Variants in ZSCAN5B observed in about 807,000 individuals in gnomAD.
ZSCAN5B encodes the protein zinc finger and SCAN domain containing 5B, also known as zinc finger and SCAN domain-containing protein 5B.
In ZSCAN5B, 26 loss-of-function variants were observed where a neutral mutation model predicts 25.2. The ratio of observed to expected loss-of-function variants is 1.03; its 90% CI spans 0.76 to 1.43. The LOEUF (loss-of-function observed/expected upper bound fraction) is 1.43, where lower values mean the gene tolerates loss of function less well. Among genes scored for constraint, ZSCAN5B ranks in the 40% most tolerant of loss-of-function variants. The pLI is 0.00. For missense variants in ZSCAN5B, 745 were observed against 622.1 expected (o/e 1.20, Z -2.10); for synonymous variants, 244 against 240.9 (o/e 1.01, Z -0.12).
exon 5 of ZSCAN5B, chr19:56,190,017 T>G: frequency 6.2e-7 from 1 of 1,613,984 alleles, no homozygotes; most frequent in Non-Finnish European, 8.5e-7. Context: ...CTCCCCGGTG[T>G]GGATCCTCTT....
intron 1 of ZSCAN5B, among the ~76,000 whole-genome samples, chr19:56,196,663 T>G (rs2032814360): frequency 6.6e-6 from 1 of 152,184 alleles, no homozygotes; most frequent in Non-Finnish European, 1.5e-5. Flanking sequence ...GTCACCCCAG[T>G]GCTCTGGGAG....
exon 5 of ZSCAN5B, chr19:56,190,568 C>G: frequency 6.2e-7 from 1 of 1,611,146 alleles, no homozygotes; most frequent in East Asian, 2.2e-5. Context: ...CCTTTGCTCT[C>G]ACCAGATCTG....
intron 3 of ZSCAN5B, 102 bp from the exon 4 acceptor site, chr19:56,191,089 C>T: frequency 1.3e-6 from 2 of 1,508,404 alleles, no homozygotes; most frequent in Non-Finnish European, 1.8e-6. Context: ...TTCCCATGGA[C>T]CACCCCATCA....
At chr19:56,196,753 C>A (rs1412400997) in intron 1 of ZSCAN5B, among the ~76,000 whole-genome samples, 1 of 152,142 alleles carries the variant, frequency 6.6e-6, no homozygotes, top group Non-Finnish European at 1.5e-5. Flanking sequence ...ACACATCCAG[C>A]GGCCATCTCG....
intron 2 of ZSCAN5B, 63 bp downstream of exon 2, chr19:56,192,606 G>C: frequency 6.5e-7 from 1 of 1,541,124 alleles, no homozygotes; most frequent in East Asian, 2.3e-5. Context: ...TTTGAGACTG[G>C]AGAATTCTTT....
At chr19:56,189,834 G>C in exon 5 of ZSCAN5B, 1 of 1,606,752 alleles carries the variant, frequency 6.2e-7, no homozygotes, top group African/African-American at 1.3e-5. Context: ...GAATCACTGG[G>C]AGGTGGTTTC....
exon 5 of ZSCAN5B, chr19:56,189,891 G>T (rs2032698986): frequency 1.9e-6 from 3 of 1,613,988 alleles, no homozygotes; most frequent in Non-Finnish European, 2.5e-6. Context: ...CTGACGGAAG[G>T]CCTTTTGACA....
rs149023772 is a variant in ZSCAN5B, at chr19:56,191,899, C to T, written c.539G>A (p.Arg180His). 768 of 1,614,038 alleles carry T rather than the reference C, an allele frequency of 4.8e-4. 1 individual carries two copies. The African/African-American group carries it at 9.2e-3, about 19-fold the overall frequency. ...CCTGGGCAGGATCTGCTGCTCTCGG[C>T]GGGCCTGGCCTGTCCCCGGATGCAT... Residue 180 changes from arginine (R) to histidine (H), a missense_variant, in exon 3 of 5, where the codon CGC becomes CAC. By Grantham distance (29) the Arg-to-His change is conservative. Transcript: ENST00000586855.
chr19:56,190,878 G>A, exon 4 of ZSCAN5B: 3 of 1,614,104 alleles, frequency 1.9e-6, no homozygotes, highest in Non-Finnish European at 1.7e-6. Flanking sequence ...TGACAGTCCT[G>A]GGTTCTCTTC....
intron 3 of ZSCAN5B, among the ~76,000 whole-genome samples, chr19:56,191,396 T>C (rs1001317775): frequency 4.6e-5 from 7 of 152,078 alleles, no homozygotes; most frequent in Non-Finnish European, 1.0e-4. Flanking sequence ...CCACCACCCC[T>C]GAGAATGCCA....
intron 1 of ZSCAN5B, among the ~76,000 whole-genome samples, chr19:56,196,570 C>T (rs2032813245): frequency 6.6e-6 from 1 of 152,072 alleles, no homozygotes; most frequent in Admixed American, 6.6e-5. Flanking sequence ...ACACACTATG[C>T]TGTGCACCGG....
At chr19:56,192,717 G>A (rs1296951449) in exon 2 of ZSCAN5B, 2 of 1,591,808 alleles carry the variant, frequency 1.3e-6, no homozygotes, top group Admixed American at 1.7e-5. Flanking sequence ...CCAGGTCTTT[G>A]CAGCTCTGCA....
exon 5 of ZSCAN5B, chr19:56,190,560 T>G: frequency 1.2e-6 from 2 of 1,612,448 alleles, no homozygotes; most frequent in Non-Finnish European, 1.7e-6. Context: ...CTTCCCCTCC[T>G]TTGCTCTCAC....
chr19:56,193,888 G>A (rs1031330293), intron 1 of ZSCAN5B, among the ~76,000 whole-genome samples: 1 of 151,608 alleles, frequency 6.6e-6, no homozygotes, highest in Non-Finnish European at 1.5e-5. Context: ...CGTGAACCCG[G>A]GAGGCAGAGC....
chr19:56,190,308 C>A (rs761397978), exon 5 of ZSCAN5B: 12 of 1,614,012 alleles, frequency 7.4e-6, no homozygotes, highest in Non-Finnish European at 1.0e-5. Context: ...GCCCGCAGGG[C>A]CTGGGGAATG....
At chr19:56,189,761 G>C in exon 5 of ZSCAN5B, 1 of 1,528,878 alleles carries the variant, frequency 6.5e-7, no homozygotes, top group South Asian at 1.3e-5. Context: ...ATGTCATCTG[G>C]TAACATTGGA....
chr19:56,193,199 G>A lies in ZSCAN5B; in HGVS notation c.-127-20C>T, dbSNP rs2032764558. 2 of 984,112 alleles carry A rather than the reference G, an allele frequency of 2.0e-6. No homozygotes were observed. The highest frequency in any genetic ancestry group is 3.0e-5 in the Admixed American group (1 of 33,440). 61.0% of individuals were successfully genotyped at this position (984,112 alleles called of 1,614,324 possible). A position where few individuals can be genotyped will look rare whatever the true frequency, so the allele number is the denominator to read the frequency against. Reference sequence around the variant, plus strand: ...AGAAGTCTGCAGGAAAAAAGCATGAGCCCGATTATTTTAACTTTCTACTCC... The same window carrying A: ...AGAAGTCTGCAGGAAAAAAGCATGAACCCGATTATTTTAACTTTCTACTCC... On this transcript the variant is annotated intron_variant, in intron 1 of 4. Coordinates refer to ENST00000586855, the Ensembl canonical transcript of ZSCAN5B.
At chr19:56,195,717 C>T (rs560411982) in intron 1 of ZSCAN5B, among the ~76,000 whole-genome samples, 1 of 152,252 alleles carries the variant, frequency 6.6e-6, no homozygotes, top group African/African-American at 2.4e-5. Context: ...GGAAAAACTA[C>T]CTACTGGGTA....
At chr19:56,191,305 G>A (rs932058102) in intron 3 of ZSCAN5B, among the ~76,000 whole-genome samples, 2 of 152,164 alleles carry the variant, frequency 1.3e-5, no homozygotes, top group African/African-American at 4.8e-5. Context: ...CATTGGCATT[G>A]GGGCTGCATC....
Sources: gnomAD v4.1 joint callset for allele counts (sites outside exome capture counted in the v4.1 genomes callset) on GRCh38, gnomAD v4.1.1 for gene constraint, MANE v1.5 for transcripts, NCBI Gene and HGNC (gene_info 2026-07-23, HGNC 2026-07-21) for gene names.